BMAL1: variants seen among roughly 807,000 people sequenced by gnomAD.
The protein encoded by BMAL1 is basic helix-loop-helix ARNT-like protein 1.
At chr11:13,307,681 C>T in the BMAL1 span, among the ~76,000 whole-genome samples, 1 of 152,188 alleles carries the variant, frequency 6.6e-6, no homozygotes, top group East Asian at 1.9e-4. Flanking sequence ...CTTGTGGTAT[C>T]CAGCTGGAAA....
chr11:13,304,808 A>G, the BMAL1 span, among the ~76,000 whole-genome samples: 1 of 152,282 alleles, frequency 6.6e-6, no homozygotes, highest in East Asian at 1.9e-4. Context: ...CAACCCACAA[A>G]AGTGCACAAA....
At chr11:13,358,115 A>C in the BMAL1 span, among the ~76,000 whole-genome samples, 2 of 152,164 alleles carry the variant, frequency 1.3e-5, no homozygotes, top group Admixed American at 1.3e-4. Context: ...CCCCCATTTC[A>C]AAATCCAATT....
chr11:13,291,880 G>T, the BMAL1 span, among the ~76,000 whole-genome samples: 3 of 151,996 alleles, frequency 2.0e-5, no homozygotes, highest in Non-Finnish European at 2.9e-5. Flanking sequence ...AAATCCCAAG[G>T]CTTTAATAGA....
chr11:13,343,191 A>G, the BMAL1 span, among the ~76,000 whole-genome samples: 5 of 152,230 alleles, frequency 3.3e-5, no homozygotes, highest in Admixed American at 3.3e-4. Context: ...GCACTCATAC[A>G]TGATGGGGTC....
chr11:13,327,996 G>A, the BMAL1 span, among the ~76,000 whole-genome samples: 4 of 152,120 alleles, frequency 2.6e-5, no homozygotes, highest in African/African-American at 7.2e-5. Context: ...AGGGTTGTTG[G>A]GCAATTTGGC....
the BMAL1 span, among the ~76,000 whole-genome samples, chr11:13,278,153 C>A: frequency 1.3e-5 from 2 of 152,218 alleles, no homozygotes; most frequent in Non-Finnish European, 2.9e-5. Context: ...CCCGTCCGCC[C>A]CCATCCTCCT....
chr11:13,352,679 A>G, the BMAL1 span, among the ~76,000 whole-genome samples: 18 of 152,246 alleles, frequency 1.2e-4, no homozygotes, highest in African/African-American at 4.3e-4. Flanking sequence ...TATATGCACA[A>G]AGATGTTCAC....
At chr11:13,322,409 C>T in the BMAL1 span, among the ~76,000 whole-genome samples, 2 of 152,218 alleles carry the variant, frequency 1.3e-5, no homozygotes, top group African/African-American at 4.8e-5. Context: ...TCTTCTACCC[C>T]ATTGAGCTTT....
At chr11:13,332,317 A>G in the BMAL1 span, among the ~76,000 whole-genome samples, 2 of 152,110 alleles carry the variant, frequency 1.3e-5, no homozygotes, top group Admixed American at 1.3e-4. Context: ...ATAGCAAACA[A>G]TTAGTTTGTA....
chr11:13,336,355 AG>A, the BMAL1 span, among the ~76,000 whole-genome samples: 2 of 152,196 alleles, frequency 1.3e-5, no homozygotes, highest in African/African-American at 4.8e-5. Flanking sequence ...AAAGCCAGCC[AG>A]GCTCCCCACT....
At chr11:13,332,722 G>T in the BMAL1 span, among the ~76,000 whole-genome samples, 9 of 152,076 alleles carry the variant, frequency 5.9e-5, no homozygotes, top group Non-Finnish European at 1.0e-4. Context: ...AACTTTTCCT[G>T]TGTGTGACTC....
At chr11:13,367,428 C>T in the BMAL1 span, among the ~76,000 whole-genome samples, 2 of 152,146 alleles carry the variant, frequency 1.3e-5, no homozygotes, top group Admixed American at 1.3e-4. Flanking sequence ...TGGCTGGGCG[C>T]AGTGGCTCAC....
At chr11:13,327,366 C>T in the BMAL1 span, among the ~76,000 whole-genome samples, 1 of 152,186 alleles carries the variant, frequency 6.6e-6, no homozygotes, top group Non-Finnish European at 1.5e-5. Flanking sequence ...ATGCTGTTAT[C>T]ATCATCATCA....
At chr11:13,369,784 C>T in the BMAL1 span, 1 of 1,602,516 alleles carries the variant, frequency 6.2e-7, no homozygotes, top group Non-Finnish European at 8.5e-7. Context: ...ATTTAACAGT[C>T]CATTAAAACC....
chr11:13,298,809 C>T, the BMAL1 span, among the ~76,000 whole-genome samples: 1 of 152,220 alleles, frequency 6.6e-6, no homozygotes, highest in Non-Finnish European at 1.5e-5. Flanking sequence ...AGTCCCTTCT[C>T]AGGCTGAATT....
At chr11:13,290,604 T>C in the BMAL1 span, among the ~76,000 whole-genome samples, 175 of 150,882 alleles carry the variant, frequency 1.2e-3, 1 homozygote, top group Non-Finnish European at 2.1e-4. Context: ...AATAGCAGTA[T>C]CTAACCTTGA....
At chr11:13,278,578 G>C in the BMAL1 span, among the ~76,000 whole-genome samples, 1 of 152,214 alleles carries the variant, frequency 6.6e-6, no homozygotes, top group South Asian at 2.1e-4. Flanking sequence ...GGCTGGCGCT[G>C]CACCCGGGAA....
the BMAL1 span, among the ~76,000 whole-genome samples, chr11:13,364,043 T>TCACAGGGA: frequency 1.3e-5 from 2 of 152,206 alleles, no homozygotes; most frequent in Non-Finnish European, 1.5e-5. Flanking sequence ...CTCCAGGGTG[T>TCACAGGGA]CACAGTTCCC....
At chr11:13,299,579 A>G in the BMAL1 span, among the ~76,000 whole-genome samples, 1 of 152,092 alleles carries the variant, frequency 6.6e-6, no homozygotes, top group Non-Finnish European at 1.5e-5. Context: ...ATTTGGCAGG[A>G]GGGGTCCACA....
Sources: gnomAD v4.1 joint callset for allele counts (sites outside exome capture counted in the v4.1 genomes callset) on GRCh38, gnomAD v4.1.1 for gene constraint, MANE v1.5 for transcripts, NCBI Gene and HGNC (gene_info 2026-07-23, HGNC 2026-07-21) for gene names.